FANCD2: variants seen among roughly 807,000 people sequenced by gnomAD.
FANCD2 encodes the protein Fanconi anemia group D2 protein.
A neutral mutation model predicts 192.3 loss-of-function variants in FANCD2; 131 were observed. That is an observed-to-expected ratio of 0.68 (90% CI 0.59 to 0.79). The LOEUF is 0.79. Ranked by LOEUF, FANCD2 falls within the 30% of genes least tolerant of loss-of-function variation. The pLI, the probability that FANCD2 is intolerant of heterozygous loss-of-function variation, is 0.00. For synonymous variants in FANCD2, 524 were observed against 612.5 expected, an observed-to-expected ratio of 0.86 and a Z score of 2.13; for missense variants, 1,508 against 1,701.6, an observed-to-expected ratio of 0.89 and a Z score of 2.00.
chr3:10,090,470 T>TTTC, intron 37 of FANCD2, 85 bp downstream of exon 37: 1 of 845,044 alleles, frequency 1.2e-6, no homozygotes, highest in Non-Finnish European at 1.8e-6. Flanking sequence ...TTTTTTTTTT[T>TTTC]TCTGAGACAG....
chr3:10,086,382 C>A (rs1406845246), intron 33 of FANCD2, among the ~76,000 whole-genome samples: 1 of 152,164 alleles, frequency 6.6e-6, no homozygotes, highest in Non-Finnish European at 1.5e-5. Flanking sequence ...GCCCCCTCCC[C>A]CTTCAGTCAG....
Sources: allele counts gnomAD v4.1 joint callset (sites outside exome capture counted in the v4.1 genomes callset), GRCh38; gene constraint gnomAD v4.1.1; transcripts MANE v1.5; gene names NCBI Gene and HGNC (gene_info 2026-07-23, HGNC 2026-07-21).